SAMD12: variants seen among roughly 807,000 people sequenced by gnomAD.
SAMD12 encodes the protein sterile alpha motif domain-containing protein 12.
A neutral mutation model predicts 15.0 loss-of-function variants in SAMD12; 9 were observed. That is an observed-to-expected ratio of 0.60 (90% CI 0.36 to 1.05). SAMD12 has a LOEUF of 1.05. Among genes scored for constraint, SAMD12 ranks in the 50% least tolerant of loss-of-function variants. SAMD12 has a pLI of 0.01. For missense variants in SAMD12, 230 were observed against 234.2 expected (o/e 0.98, Z 0.12); for synonymous variants, 86 against 90.1 (o/e 0.96, Z 0.25).
chr8:118,175,234 T>C, the SAMD12 span, among the ~76,000 whole-genome samples: 1 of 152,048 alleles, frequency 6.6e-6, no homozygotes, highest in Non-Finnish European at 1.5e-5. Context: ...TAACAAGCAA[T>C]AGGGAAAGGA....
intron 4 of SAMD12, among the ~76,000 whole-genome samples, chr8:118,277,958 G>A (rs1813512624): frequency 6.6e-6 from 1 of 152,170 alleles, no homozygotes; most frequent in Non-Finnish European, 1.5e-5. Flanking sequence ...TATTTACCCA[G>A]CACTGGTTAG....
chr8:118,503,553 A>C (rs1824843420), intron 2 of SAMD12, among the ~76,000 whole-genome samples: 1 of 152,200 alleles, frequency 6.6e-6, no homozygotes, highest in Non-Finnish European at 1.5e-5. Context: ...AAGCATAAAG[A>C]ATCCACAGAT....
chr8:118,165,628 A>ACATATATATG, the SAMD12 span, among the ~76,000 whole-genome samples: 1 of 144,028 alleles, frequency 6.9e-6, no homozygotes, highest in African/African-American at 2.6e-5. Flanking sequence ...ATATATATAT[A>ACATATATATG]TATATATACA....
intron 3 of SAMD12, among the ~76,000 whole-genome samples, chr8:118,399,210 T>C (rs1586665931): frequency 6.6e-6 from 1 of 152,018 alleles, no homozygotes; most frequent in Non-Finnish European, 1.5e-5. Flanking sequence ...TCTTTTTTTT[T>C]TTTTAATAAA....
chr8:118,371,580 A>G (rs1819099040), intron 4 of SAMD12, among the ~76,000 whole-genome samples: 1 of 152,124 alleles, frequency 6.6e-6, no homozygotes, highest in African/African-American at 2.4e-5. Context: ...TGGAGGTATT[A>G]ACCTTGAGAA....
chr8:118,554,807 A>G (rs1414260605), intron 2 of SAMD12, among the ~76,000 whole-genome samples: 1 of 152,232 alleles, frequency 6.6e-6, no homozygotes, highest in African/African-American at 2.4e-5. Flanking sequence ...TTCCCAAAGA[A>G]AGAATTCTGC....
intron 4 of SAMD12, among the ~76,000 whole-genome samples, chr8:118,200,196 T>C (rs1363311283): frequency 6.6e-6 from 1 of 152,098 alleles, no homozygotes; most frequent in African/African-American, 2.4e-5. Flanking sequence ...TCTTTTCCTT[T>C]ATAATTTACC....
intron 2 of SAMD12, among the ~76,000 whole-genome samples, chr8:118,578,120 A>G (rs991403356): frequency 6.6e-6 from 1 of 152,168 alleles, no homozygotes; most frequent in Non-Finnish European, 1.5e-5. Context: ...GAAACATACA[A>G]TATCTACTAT....
intron 2 of SAMD12, among the ~76,000 whole-genome samples, chr8:118,555,502 C>T (rs1010288741): frequency 6.6e-6 from 1 of 152,186 alleles, no homozygotes; most frequent in Non-Finnish European, 1.5e-5. Context: ...TGATATGCAA[C>T]AACAGGCTTA....
intron 3 of SAMD12, among the ~76,000 whole-genome samples, chr8:118,428,692 T>C (rs11773916): frequency 0.54 from 81,512 of 151,922 alleles, 24,269 homozygotes; most frequent in Non-Finnish European, 0.65. Context: ...GTGAAGAGAC[T>C]ACCCTTTCTC....
At position 118,395,552 on chromosome 8, in the gene SAMD12, G is replaced by T. The variant is rs115163318; in HGVS notation, c.323-15852C>A. ...TCAGGGACCAAAATGTCATGTACAA[G>T]GTTCTCCAACCTCAAAGAGTTCAAG... On this transcript the variant is annotated intron_variant, in intron 3 of 3. Transcript: ENST00000314727. Among the ~76,000 whole-genome samples the T allele has an allele frequency of 5.2e-3, 789 of 152,254 alleles. 11 individuals are homozygous for T. The highest frequency in any genetic ancestry group is 0.017 in the African/African-American group (701 of 41,552).
chr8:118,280,017 T>C (rs1001177097), intron 4 of SAMD12, among the ~76,000 whole-genome samples: 26 of 152,214 alleles, frequency 1.7e-4, no homozygotes, highest in African/African-American at 4.8e-5. Context: ...GAGTTGACTA[T>C]TGCACGTTCT....
chr8:118,529,749 AT>A (rs1825634177), intron 2 of SAMD12, among the ~76,000 whole-genome samples: 2 of 152,280 alleles, frequency 1.3e-5, no homozygotes, highest in East Asian at 3.9e-4. Context: ...GCTGAGCAGT[AT>A]TCCATGATAT....
intron 3 of SAMD12, among the ~76,000 whole-genome samples, chr8:118,387,970 T>A (rs755771157): frequency 2.6e-5 from 4 of 152,182 alleles, no homozygotes; most frequent in Non-Finnish European, 5.9e-5. Context: ...CTGAACCAGC[T>A]ATACTACTGG....
intron 4 of SAMD12, among the ~76,000 whole-genome samples, chr8:118,306,130 C>T (rs1815337533): frequency 6.6e-6 from 1 of 152,122 alleles, no homozygotes; most frequent in South Asian, 2.1e-4. Context: ...CAATATTCAG[C>T]TCTTTTATCA....
chr8:118,606,280 C>T (rs1002720501), intron 1 of SAMD12, among the ~76,000 whole-genome samples: 2 of 152,000 alleles, frequency 1.3e-5, no homozygotes, highest in Non-Finnish European at 2.9e-5. Flanking sequence ...ATCATGGCAG[C>T]AATGATGGAA....
chr8:118,303,585 A>C (rs1815158485), intron 4 of SAMD12, among the ~76,000 whole-genome samples: 1 of 152,204 alleles, frequency 6.6e-6, no homozygotes, highest in South Asian at 2.1e-4. Context: ...CATTGTTGGC[A>C]GGGCCTTCTT....
intron 4 of SAMD12, among the ~76,000 whole-genome samples, chr8:118,284,013 A>G (rs1023133663): frequency 1.3e-5 from 2 of 152,240 alleles, no homozygotes; most frequent in African/African-American, 4.8e-5. Context: ...ACTCATTTTC[A>G]AAGAGCAAAG....
chr8:118,212,941 C>T (rs1349222471), intron 4 of SAMD12, among the ~76,000 whole-genome samples: 1 of 152,144 alleles, frequency 6.6e-6, no homozygotes, highest in African/African-American at 2.4e-5. Context: ...GAGCATATAT[C>T]ATGGATCTTG....
Sources: allele counts gnomAD v4.1 joint callset (sites outside exome capture counted in the v4.1 genomes callset), GRCh38; gene constraint gnomAD v4.1.1; transcripts MANE v1.5; gene names NCBI Gene and HGNC (gene_info 2026-07-23, HGNC 2026-07-21).